The following RBMS3 variants were observed in gnomAD, a reference collection of about 807,000 sequenced individuals.
RBMS3 encodes the protein RNA-binding motif, single-stranded-interacting protein 3.
Under a neutral mutation model 66.8 loss-of-function variants are expected in RBMS3, and 27 were observed. The observed-to-expected ratio is 0.40, with a 90% CI of 0.30 to 0.56. RBMS3 has a LOEUF of 0.56. RBMS3 is among the 20% of genes least tolerant of loss of function. RBMS3 has a pLI of 0.40. For synonymous variants in RBMS3, 188 were observed against 183.0 expected (o/e 1.03, Z -0.22); for missense variants, 513 against 549.5 (o/e 0.93, Z 0.66).
intron 4 of RBMS3, among the ~76,000 whole-genome samples, chr3:29,669,576 G>C (rs576651983): frequency 3.9e-5 from 6 of 152,084 alleles, no homozygotes; most frequent in Admixed American, 1.3e-4. Context: ...AATGAAGTCC[G>C]GAGTGACTGG....
intron 7 of RBMS3, among the ~76,000 whole-genome samples, chr3:29,872,113 T>C (rs2059506018): frequency 6.6e-6 from 1 of 152,162 alleles, no homozygotes; most frequent in South Asian, 2.1e-4. Flanking sequence ...CTCTTCTTCC[T>C]TGGTGTTCTA....
intron 5 of RBMS3, among the ~76,000 whole-genome samples, chr3:29,743,268 T>C (rs1433980771): frequency 6.6e-6 from 1 of 152,234 alleles, no homozygotes; most frequent in Non-Finnish European, 1.5e-5. Flanking sequence ...TTTAAAAATA[T>C]TATCCTGTCC....
chr3:29,752,920 G>A (rs926624145), intron 5 of RBMS3, among the ~76,000 whole-genome samples: 4 of 152,154 alleles, frequency 2.6e-5, no homozygotes, highest in African/African-American at 7.2e-5. Context: ...CAAAAGTAAG[G>A]TTGGTTTTAT....
chr3:29,945,763 C>T (rs557604443), intron 12 of RBMS3, among the ~76,000 whole-genome samples: 10 of 151,778 alleles, frequency 6.6e-5, no homozygotes, highest in East Asian at 2.0e-4. Context: ...TCAGGCTCTA[C>T]GTAAGTCAAT....
chr3:29,698,314 A>G (rs1467615750), intron 4 of RBMS3: 3 of 985,348 alleles, frequency 3.0e-6, no homozygotes, highest in East Asian at 1.1e-4. Flanking sequence ...CAGAGAATCA[A>G]CAATCCTTTG....
At chr3:29,784,575 C>G (rs2056754634) in intron 6 of RBMS3, among the ~76,000 whole-genome samples, 1 of 151,970 alleles carries the variant, frequency 6.6e-6, no homozygotes, top group Non-Finnish European at 1.5e-5. Flanking sequence ...ATGCCTACAT[C>G]AAAAAGTCTG....
intron 11 of RBMS3, among the ~76,000 whole-genome samples, chr3:29,937,303 A>G (rs1275599728): frequency 6.6e-6 from 1 of 151,950 alleles, no homozygotes; most frequent in Non-Finnish European, 1.5e-5. Context: ...TACAGTTACC[A>G]CCTCTGTGAT....
chr3:29,946,060 C>T (rs905857991), intron 12 of RBMS3, among the ~76,000 whole-genome samples: 2 of 151,694 alleles, frequency 1.3e-5, no homozygotes, highest in Admixed American at 1.3e-4. Context: ...TGAAAAATAA[C>T]ATTTTGGGAG....
At chr3:29,355,317 A>C (rs1333042446) in intron 1 of RBMS3, among the ~76,000 whole-genome samples, 1 of 152,132 alleles carries the variant, frequency 6.6e-6, no homozygotes, top group Non-Finnish European at 1.5e-5. Flanking sequence ...TTCCTGATAA[A>C]AAACCTGTTT....
intron 4 of RBMS3, among the ~76,000 whole-genome samples, chr3:29,592,973 A>C (rs962751124): frequency 5.2e-5 from 7 of 133,562 alleles, no homozygotes; most frequent in Admixed American, 1.6e-4. Flanking sequence ...ACACTTGGAC[A>C]CAGGAAGGGG....
chr3:29,900,863 A>G (rs959139686), intron 10 of RBMS3, among the ~76,000 whole-genome samples: 3 of 151,812 alleles, frequency 2.0e-5, no homozygotes, highest in Non-Finnish European at 4.4e-5. Context: ...AAATGTAAGT[A>G]AGTTAGTATA....
intron 2 of RBMS3, among the ~76,000 whole-genome samples, chr3:29,446,298 A>T (rs2041829012): frequency 6.7e-6 from 1 of 150,308 alleles, no homozygotes; most frequent in Admixed American, 6.6e-5. Flanking sequence ...GCAATCAAAA[A>T]CATTTATTGT....
intron 12 of RBMS3, among the ~76,000 whole-genome samples, chr3:29,967,224 T>C: frequency 6.6e-6 from 1 of 152,154 alleles, no homozygotes; most frequent in East Asian, 1.9e-4. Flanking sequence ...ATTAGGGAGG[T>C]TCCTTCTTTC....
chr3:29,977,115 G>A (rs1052005915), intron 12 of RBMS3, among the ~76,000 whole-genome samples: 16 of 151,910 alleles, frequency 1.1e-4, no homozygotes, highest in African/African-American at 3.6e-4. Flanking sequence ...GGTTTGATGC[G>A]ACCTGAAAAA....
At chr3:29,971,322 A>C (rs770786149) in intron 12 of RBMS3, among the ~76,000 whole-genome samples, 1 of 152,090 alleles carries the variant, frequency 6.6e-6, no homozygotes, top group Non-Finnish European at 1.5e-5. Context: ...ATGATGGAAG[A>C]TCTTACTTAT....
At chr3:29,557,863 A>G (rs2046415289) in intron 3 of RBMS3, among the ~76,000 whole-genome samples, 1 of 152,228 alleles carries the variant, frequency 6.6e-6, no homozygotes, top group South Asian at 2.1e-4. Context: ...GACAAGAGGA[A>G]GAGCAGACCT....
rs1200587890 is a variant in RBMS3, at chr3:29,698,724, T to C, written c.400-40996T>C. On this transcript the variant is annotated intron_variant, in intron 4 of 14. Transcript: ENST00000383767. ...TCTGTGTGGACTATGCTATTCTTAA[T>C]GTTTATTAAGGAGAGGACACTTTAC... is the stretch of plus-strand genomic sequence containing the variant. 7 of 574,268 alleles carry C rather than the reference T, an allele frequency of 1.2e-5. No homozygotes were observed. In the South Asian group the frequency reaches 3.1e-4, roughly 25 times the overall value. 35.6% of individuals were successfully genotyped at this position (574,268 alleles called of 1,614,324 possible).
At chr3:29,896,673 T>G (rs916121316) in intron 8 of RBMS3, among the ~76,000 whole-genome samples, 8 of 151,570 alleles carry the variant, frequency 5.3e-5, no homozygotes, top group African/African-American at 1.9e-4. Context: ...AAGCTACCCT[T>G]TAATAGATCT....
chr3:29,366,291 C>T (rs909777057), intron 1 of RBMS3, among the ~76,000 whole-genome samples: 1 of 152,144 alleles, frequency 6.6e-6, no homozygotes, highest in Non-Finnish European at 1.5e-5. Flanking sequence ...AGACATTACC[C>T]AAACACATAG....
Sources: gnomAD v4.1 joint callset for allele counts (sites outside exome capture counted in the v4.1 genomes callset) on GRCh38, gnomAD v4.1.1 for gene constraint, MANE v1.5 for transcripts, NCBI Gene and HGNC (gene_info 2026-07-23, HGNC 2026-07-21) for gene names.